The following CAMTA2 variants were observed in gnomAD, a reference collection of about 807,000 sequenced individuals.
The protein encoded by CAMTA2 is calmodulin binding transcription activator 2.
A neutral mutation model predicts 135.7 loss-of-function variants in CAMTA2; 56 were observed. The observed-to-expected ratio is 0.41, with a 90% confidence interval of 0.33 to 0.52. The LOEUF is 0.52. Among genes scored for constraint, CAMTA2 ranks in the 20% least tolerant of loss-of-function variants. The pLI is 0.16. For synonymous variants in CAMTA2, 591 were observed against 604.6 expected, an observed-to-expected ratio of 0.98 and a Z score of 0.33; for missense variants, 1,358 against 1,553.4, an observed-to-expected ratio of 0.87 and a Z score of 2.11.
Position 4,981,911 on chromosome 17 carries a change from G to A in CAMTA2, c.412-80C>T, listed in dbSNP as rs949502590. ...GCTTCCTAATCCTCACTTTCTTCCT[G>A]GGCACCCTCCTAACCTCGCCCCCAA... On this transcript the variant is annotated intron_variant, in intron 6 of 22. Coordinates refer to ENST00000348066, the MANE Select transcript of CAMTA2 (RefSeq NM_015099.4). 7.6e-6 allele frequency: 11 copies of A among 1,444,722 alleles called. No homozygotes were observed. The African/African-American group carries it at 1.6e-4, about 21-fold the overall frequency. The allele number at this position is 1,444,722 out of a possible 1,614,324, so 89.5% of individuals were successfully genotyped here.
chr17:4,986,091 C>T, intron 2 of CAMTA2, 101 bp downstream of exon 2: 2 of 1,113,752 alleles, frequency 1.8e-6, no homozygotes, highest in Admixed American at 3.4e-5. Flanking sequence ...AAAACTGAAA[C>T]CTCACTAAGG....
Position 4,968,534 on chromosome 17 carries a change from G to C in CAMTA2, c.*222C>G. ...CGGAAGATGCAGGTATGTGGGGCGC[G>C]GGTTTTCTGGAGCCAGGACCAAAAG... On this transcript the variant is annotated 3_prime_UTR_variant, in exon 23 of 23. Transcript: ENST00000348066. 1.7e-6 allele frequency: 1 copy of C among 599,902 alleles called. No individual in the cohort carries two copies. The highest frequency in any genetic ancestry group is 3.0e-6 in the Non-Finnish European group (1 of 335,798). The allele number at this position is 599,902 out of a possible 1,614,324, so 37.2% of individuals were successfully genotyped here.
At chr17:4,987,246 G>C in intron 1 of CAMTA2, 2 of 1,342,930 alleles carry the variant, frequency 1.5e-6, no homozygotes, top group Non-Finnish European at 1.9e-6. Context: ...CGGCCCCCCG[G>C]CGGAGTGGTG....
At position 4,968,566 on chromosome 17, in the gene CAMTA2, G is replaced by C; in HGVS notation, c.*190C>G. ...CTGGAGCCAGGACCAAAAGAGACGGGGCACGACCAGGAGGGACGAGGAGAG... is the reference window on the plus strand; with the variant it reads ...CTGGAGCCAGGACCAAAAGAGACGGCGCACGACCAGGAGGGACGAGGAGAG... On this transcript the variant is annotated 3_prime_UTR_variant, in exon 23 of 23. Coordinates refer to ENST00000348066, the MANE Select transcript of CAMTA2 (RefSeq NM_015099.4). The C allele has an allele frequency of 1.6e-6, 1 of 633,570 alleles. No individual in the cohort carries two copies. The highest frequency in any genetic ancestry group is 1.9e-5 in the South Asian group (1 of 53,312). 39.2% of individuals were successfully genotyped at this position (633,570 alleles called of 1,614,324 possible).
At position 4,981,690 on chromosome 17, in the gene CAMTA2, G is replaced by A; in HGVS notation, c.553C>T (p.Leu185=). 1.9e-6 allele frequency: 3 copies of A among 1,605,498 alleles called. No homozygotes were observed. The highest frequency in any genetic ancestry group is 2.6e-6 in the Non-Finnish European group (3 of 1,175,694). ...CCTGCTGCCTTACACATGGGCTTCA[G>A]CTGTCCCAACAACTCCTCCCGGGAC... ...KWSREELLGQ[L]KPMFHGIKWS... Residue 185 remains leucine (L), a synonymous_variant, in exon 7 of 23, where the codon CTG becomes TTG. Transcript: ENST00000348066.
In CAMTA2 at chr17:4,972,325, C is replaced by T. The variant is rs200654310; in HGVS notation, c.2715G>A (p.Gly905=). The T allele has an allele frequency of 1.2e-6, 2 of 1,613,624 alleles. No individual in the cohort carries two copies. The highest frequency in any genetic ancestry group is 8.5e-7 in the Non-Finnish European group (1 of 1,179,758). ...GGAGGGCAGGAAGGGAGGAGAGGGG[C>T]CCCTTGGAGTTGGTAGCCTCATAGT... The part of the protein sequence containing the change: ...LMDYEATNSK[G]PLSSLPALPP... Residue 905 remains glycine (G), a synonymous_variant, in exon 16 of 23, where the codon GGG becomes GGA. Transcript: ENST00000348066.
intron 12 of CAMTA2, chr17:4,974,039 C>G (rs1597739385): frequency 7.4e-6 from 4 of 541,520 alleles, no homozygotes; most frequent in East Asian, 3.2e-5. Context: ...GCTTCTCCCC[C>G]TCAGAAGCCA....
intron 1 of CAMTA2, chr17:4,986,899 G>GTAGC: frequency 7.2e-7 from 1 of 1,383,914 alleles, no homozygotes; most frequent in Non-Finnish European, 9.9e-7. Flanking sequence ...CCCTCTCTAC[G>GTAGC]TAGCTCCCTC....
At chr17:4,979,607 A>G (rs1972834853) in intron 9 of CAMTA2, 77 bp downstream of exon 9, 3 of 1,004,860 alleles carry the variant, frequency 3.0e-6, no homozygotes, top group Non-Finnish European at 4.5e-6. Context: ...ACCACGGGGT[A>G]AGAGTTAATA....
At chr17:4,977,694 CACATGCTGG>C (rs1972697842) in intron 10 of CAMTA2, among the ~76,000 whole-genome samples, 1 of 152,228 alleles carries the variant, frequency 6.6e-6, no homozygotes, top group South Asian at 2.1e-4. Flanking sequence ...TTTCCTTACA[CACATGCTGG>C]ATGCTGCTGT....
At chr17:4,973,373 A>T in intron 13 of CAMTA2, 120 bp from the exon 14 acceptor site, 3 of 915,380 alleles carry the variant, frequency 3.3e-6, no homozygotes, top group South Asian at 2.7e-5. Flanking sequence ...AGAGGCAGTC[A>T]AGGACACTAG....
chr17:4,987,128 A>T, intron 1 of CAMTA2: 1 of 1,360,750 alleles, frequency 7.3e-7, no homozygotes, highest in East Asian at 3.1e-5. Context: ...ACTCCGCCCC[A>T]GGGCGCAGGT....
chr17:4,977,643 G>A (rs1181045892), intron 10 of CAMTA2, among the ~76,000 whole-genome samples: 1 of 152,216 alleles, frequency 6.6e-6, no homozygotes. Flanking sequence ...CAGGTGCTGA[G>A]ACTTTTTCTC....
intron 1 of CAMTA2, 95 bp downstream of exon 1, chr17:4,987,498 G>C (rs1461541791): frequency 3.5e-5 from 49 of 1,414,966 alleles, no homozygotes; most frequent in Non-Finnish European, 4.5e-5. Flanking sequence ...GAAGAGGGAC[G>C]GTGGTCCCTG....
At chr17:4,987,286 T>TCCCGC (rs1191518424) in intron 1 of CAMTA2, 2 of 1,338,562 alleles carry the variant, frequency 1.5e-6, no homozygotes, top group Non-Finnish European at 1.9e-6. Context: ...GGTGGGAGGG[T>TCCCGC]CCCGCCCGCA....
At chr17:4,970,255 G>A (rs900762665) in intron 17 of CAMTA2, 85 bp downstream of exon 17, 2 of 1,510,480 alleles carry the variant, frequency 1.3e-6, no homozygotes, top group African/African-American at 1.4e-5. Context: ...AGCCAGAATG[G>A]AGCTTTGGCT....
rs1312160595 is a variant in CAMTA2, at chr17:4,985,874, G to C, written c.135+6C>G. 1 of 1,608,096 alleles carries C rather than the reference G, an allele frequency of 6.2e-7. No individual in the cohort carries two copies. Among genetic ancestry groups the C allele is most frequent in the Non-Finnish European group, 8.5e-7 (1 of 1,174,904 alleles). On this transcript the variant is annotated splice_donor_region_variant and intron_variant, in intron 3 of 22. Coordinates refer to ENST00000348066, the MANE Select transcript of CAMTA2 (RefSeq NM_015099.4). ...TGGGCCCCAACCCCCAGCCTCCCTA[G>C]AAAACCTCATTTGTATTCCACCGTA...
At chr17:4,978,945 TC>T (rs1402181575) in intron 9 of CAMTA2, among the ~76,000 whole-genome samples, 1 of 152,198 alleles carries the variant, frequency 6.6e-6, no homozygotes, top group African/African-American at 2.4e-5. Context: ...CTGTACTTCC[TC>T]CTTTTCCTCT....
intron 13 of CAMTA2, 96 bp from the exon 14 acceptor site, chr17:4,973,349 C>T: frequency 9.5e-7 from 1 of 1,047,746 alleles, no homozygotes; most frequent in South Asian, 1.3e-5. Flanking sequence ...GCAAGCTGTA[C>T]AGGGCCGGTG....
Sources: allele counts gnomAD v4.1 joint callset (sites outside exome capture counted in the v4.1 genomes callset), GRCh38; gene constraint gnomAD v4.1.1; transcripts MANE v1.5; gene names NCBI Gene and HGNC (gene_info 2026-07-23, HGNC 2026-07-21).